Variants in FIG4 observed in about 807,000 individuals in gnomAD.
FIG4 encodes polyphosphoinositide phosphatase.
A neutral mutation model predicts 118.6 loss-of-function variants in FIG4; 112 were observed. The observed-to-expected ratio is 0.94, with a 90% CI of 0.81 to 1.11. FIG4 has a LOEUF of 1.11. Ranked by LOEUF, FIG4 falls within the 50% of genes least tolerant of loss-of-function variation. The probability of loss-of-function intolerance (pLI) is 0.00; values close to 1 mark genes in which losing one functional copy is unlikely to be tolerated. For missense variants in FIG4, 969 were observed against 1,111.7 expected (o/e 0.87, Z 1.83); for synonymous variants, 369 against 381.2 (o/e 0.97, Z 0.37).
At position 109,785,016 on chromosome 6, in the gene FIG4, C is replaced by A; in HGVS notation, c.1936C>A (p.Pro646Thr). The A allele has an allele frequency of 6.4e-7, 1 of 1,569,738 alleles. No homozygotes were observed. The highest frequency in any genetic ancestry group is 8.8e-7 in the Non-Finnish European group (1 of 1,139,466). The stretch of plus-strand genomic sequence containing the variant: ...AGAGGTGATAAAGCATTTACCATTG[C>A]CCTATGATGAAGGTAGGTAACTGTT... ...TPEVIKHLPL[P>T]YDEVICAVNL... Residue 646 changes from proline (P) to threonine (T), a missense_variant, in exon 17 of 23, where the codon CCC becomes ACC. By Grantham distance (38) the Pro-to-Thr change is conservative. This residue lies in a region of FIG4 where 330 missense variants were observed against 348.1 expected (regional missense o/e 0.95). Coordinates refer to ENST00000230124, the MANE Select transcript of FIG4 (RefSeq NM_014845.6).
intron 10 of FIG4, among the ~76,000 whole-genome samples, chr6:109,755,251 G>A (rs896740213): frequency 6.6e-6 from 1 of 152,220 alleles, no homozygotes; most frequent in African/African-American, 2.4e-5. Flanking sequence ...GCGGTTTTGA[G>A]TGAGTTTCTT....
At chr6:109,723,170 T>G (rs1200141408) in intron 3 of FIG4, among the ~76,000 whole-genome samples, 1 of 152,220 alleles carries the variant, frequency 6.6e-6, no homozygotes, top group Non-Finnish European at 1.5e-5. Context: ...TTTTATTATT[T>G]TTAGTAGTTA....
chr6:109,691,787 G>A (rs2128375600), intron 1 of FIG4, among the ~76,000 whole-genome samples: 1 of 152,304 alleles, frequency 6.6e-6, no homozygotes, highest in South Asian at 2.1e-4. Flanking sequence ...TGTTCATGAG[G>A]TTCTCTGTAC....
intron 22 of FIG4, among the ~76,000 whole-genome samples, chr6:109,801,682 G>T (rs371242066): frequency 1.3e-5 from 2 of 152,206 alleles, no homozygotes; most frequent in Non-Finnish European, 2.9e-5. Context: ...TCTACCAGGG[G>T]AAGTGTTTTA....
At chr6:109,793,361 G>T (rs1778191943) in intron 21 of FIG4, among the ~76,000 whole-genome samples, 2 of 152,186 alleles carry the variant, frequency 1.3e-5, no homozygotes, top group Admixed American at 6.5e-5. Flanking sequence ...GTAATAATAG[G>T]GTGCTAATTC....
intron 5 of FIG4, among the ~76,000 whole-genome samples, chr6:109,734,433 TTA>T (rs900929122): frequency 2.7e-5 from 4 of 150,100 alleles, no homozygotes; most frequent in African/African-American, 4.9e-5. Context: ...ATATGCATAT[TTA>T]TATAGAGTAT....
chr6:109,757,163 T>C (rs957022124), intron 10 of FIG4, among the ~76,000 whole-genome samples: 3 of 139,030 alleles, frequency 2.2e-5, no homozygotes, highest in Non-Finnish European at 3.3e-5. Context: ...CCTGGATTCA[T>C]TGATTTTTTG....
chr6:109,785,913 A>C, intron 17 of FIG4: 1 of 313,708 alleles, frequency 3.2e-6, no homozygotes, highest in Non-Finnish European at 6.3e-6. Context: ...GGTTTTAACT[A>C]ACAGTGGCTA....
chr6:109,716,994 T>C (rs1450576167), intron 3 of FIG4, among the ~76,000 whole-genome samples: 1 of 148,648 alleles, frequency 6.7e-6, no homozygotes, highest in African/African-American at 2.5e-5. Context: ...ATAACCCCCT[T>C]CTTTGGATGA....
At position 109,764,895 on chromosome 6, in the gene FIG4, T is replaced by TTTTTTG. The variant is rs71018366; in HGVS notation, c.1435-84_1435-79dup. The TTTTTTG allele has an allele frequency of 0.021, 16,854 of 811,098 alleles. 249 individuals are homozygous for TTTTTTG. The highest frequency in any genetic ancestry group is 0.048 in the East Asian group (1,850 of 38,806). 50.2% of individuals were successfully genotyped at this position (811,098 alleles called of 1,614,324 possible). On this transcript the variant is annotated intron_variant, in intron 13 of 22. Coordinates refer to ENST00000230124, the MANE Select transcript of FIG4 (RefSeq NM_014845.6). ...CAGGAATAATACCTGCCCACAGACT[T>TTTTTTG]TTTTTGTTTTTGTTTTTGTTTTTGT... is the stretch of plus-strand genomic sequence containing the variant.
chr6:109,701,859 TATATTAATAA>T (rs1774919343), intron 1 of FIG4: 12 of 425,850 alleles, frequency 2.8e-5, no homozygotes, highest in South Asian at 2.1e-4. Flanking sequence ...ACATAGCGAT[TATATTAATAA>T]CTGGTTTAGA....
chr6:109,824,699 A>G (rs569754391), intron 22 of FIG4, among the ~76,000 whole-genome samples: 161 of 152,338 alleles, frequency 1.1e-3, no homozygotes, highest in African/African-American at 3.7e-3. Context: ...TTTCTACTAT[A>G]TCTTCCCTTA....
intron 10 of FIG4, among the ~76,000 whole-genome samples, chr6:109,744,679 T>C (rs898744125): frequency 3.9e-5 from 6 of 152,118 alleles, no homozygotes; most frequent in Non-Finnish European, 8.8e-5. Flanking sequence ...CTCGGATACA[T>C]GTGCAGAACG....
rs369640318 is a variant in FIG4, at chr6:109,743,727, G to A, written c.1092G>A (p.Met364Ile). 1.2e-6 allele frequency: 2 copies of A among 1,612,850 alleles called. No homozygotes were observed. The highest frequency in any genetic ancestry group is 2.7e-5 in the African/African-American group (2 of 74,848). Residue 364 changes from methionine to isoleucine, a missense_variant, in exon 10 of 23, where the codon ATG (methionine) becomes ATA (isoleucine). Coordinates refer to ENST00000230124, the MANE Select transcript of FIG4 (RefSeq NM_014845.6). Reference sequence around the variant, plus strand: ...TGGCTGCCCTTCACTTTGACCAGATGTTCCAGAGGTTTGGCTCTCCCATCA... The same window carrying A: ...TGGCTGCCCTTCACTTTGACCAGATATTCCAGAGGTTTGGCTCTCCCATCA... ...AHVAALHFDQ[M>I]FQRFGSPIII... is the part of the protein sequence containing the mutation.
At chr6:109,729,590 G>A (rs544965037) in intron 4 of FIG4, among the ~76,000 whole-genome samples, 29 of 151,876 alleles carry the variant, frequency 1.9e-4, no homozygotes, top group Admixed American at 2.0e-4. Flanking sequence ...ACAAATTCTC[G>A]GAACTGATGA....
chr6:109,718,547 A>T (rs1775506228), intron 3 of FIG4, among the ~76,000 whole-genome samples: 1 of 152,170 alleles, frequency 6.6e-6, no homozygotes, highest in African/African-American at 2.4e-5. Flanking sequence ...GTTGCTCTTC[A>T]TACGTAATCC....
At chr6:109,728,702 A>G (rs1282012337) in intron 4 of FIG4, among the ~76,000 whole-genome samples, 1 of 152,114 alleles carries the variant, frequency 6.6e-6, no homozygotes, top group Non-Finnish European at 1.5e-5. Flanking sequence ...ATCAGAGTAG[A>G]CCTTTGTCTT....
In FIG4 at chr6:109,763,980, C is replaced by A; in HGVS notation, c.1432C>A (p.Gln478Lys). 6.3e-7 allele frequency: 1 copy of A among 1,590,800 alleles called. No individual in the cohort carries two copies. The highest frequency in any genetic ancestry group is 1.7e-5 in the Admixed American group (1 of 59,998). ...GGCVIPTGRLQTGILRTNCVD... is the reference protein window; with the variant it reads ...GGCVIPTGRLKTGILRTNCVD... ...ATGTGTGATTCCCACTGGTCGCCTG[C>A]AGGTATACACAGTATTACAATTCGT... is the stretch of plus-strand genomic sequence containing the variant. The change falls in exon 13 of 23, where the codon CAG becomes AAG. Residue 478 changes from glutamine (Q) to lysine (K), a missense_variant and splice_region_variant. Transcript: ENST00000230124.
At chr6:109,755,363 G>A (rs1027510781) in intron 10 of FIG4, among the ~76,000 whole-genome samples, 19 of 152,008 alleles carry the variant, frequency 1.2e-4, no homozygotes, top group African/African-American at 4.4e-4. Flanking sequence ...CCACCTATGT[G>A]GTCAATTTTG....
Sources: gnomAD v4.1 joint callset for allele counts (sites outside exome capture counted in the v4.1 genomes callset) on GRCh38, gnomAD v4.1.1 for gene constraint, gnomAD v4.1.1 regional missense constraint, MANE v1.5 for transcripts, NCBI Gene and HGNC (gene_info 2026-07-23, HGNC 2026-07-21) for gene names.